RALGAPA1: variants seen among roughly 807,000 people sequenced by gnomAD.
The protein encoded by RALGAPA1 is ral GTPase-activating protein subunit alpha-1.
In RALGAPA1, 52 loss-of-function variants were observed where a neutral mutation model predicts 269.6. The observed-to-expected ratio is 0.19, with a 90% confidence interval of 0.15 to 0.24. The LOEUF is 0.24. Ranked by LOEUF, RALGAPA1 falls within the 10% of genes least tolerant of loss-of-function variation. The pLI, the probability that RALGAPA1 is intolerant of heterozygous loss-of-function variation, is 1.00. For synonymous variants in RALGAPA1, 817 were observed against 1,008.3 expected (o/e 0.81, Z 3.60); for missense variants, 1,917 against 3,013.9 (o/e 0.64, Z 8.52).
At chr14:35,599,093 C>A (rs1042820643) in intron 36 of RALGAPA1, among the ~76,000 whole-genome samples, 2 of 152,134 alleles carry the variant, frequency 1.3e-5, no homozygotes, top group Non-Finnish European at 1.5e-5. Context: ...AGTAACCCTA[C>A]CTTACTATAT....
Position 35,684,986 on chromosome 14 carries a change from A to G in RALGAPA1, c.4237T>C (p.Ser1413Pro). Residue 1413 changes from serine to proline, a missense_variant, in exon 20 of 42, where the codon TCA (serine) becomes CCA (proline). Around this residue, in one of 11 missense-constraint regions of RALGAPA1, gnomAD observed 615 missense variants for 790.0 expected, o/e 0.78. Transcript: ENST00000680220. ...CTGAAAGAATCCGAATGACTATCTG[A>G]GCTGATAAGATCACTGCTCCCTGCA... ...ASAGSSDLIS[S>P]DSHSDSFSAF... The G allele has an allele frequency of 6.2e-7, 1 of 1,613,684 alleles. No homozygotes were observed. Among genetic ancestry groups the G allele is most frequent in the Non-Finnish European group, 8.5e-7 (1 of 1,179,922 alleles).
intron 1 of RALGAPA1, among the ~76,000 whole-genome samples, chr14:35,790,866 T>A (rs1187609552): frequency 6.6e-6 from 1 of 152,164 alleles, no homozygotes; most frequent in Non-Finnish European, 1.5e-5. Flanking sequence ...GGGTAATCGC[T>A]TAAATGGAAT....
In RALGAPA1 at chr14:35,572,928, C is replaced by G. The variant is rs559373093; in HGVS notation, c.7210-210G>C. ...TCAATTGTCAATAATCAATGGGTAA[C>G]AGAGAACTTAGATTTAAAAAGATTC... On this transcript the variant is annotated intron_variant, in intron 37 of 41. Transcript: ENST00000680220. 43 of 326,120 alleles carry G rather than the reference C, an allele frequency of 1.3e-4. 2 individuals carry two copies. The South Asian group carries it at 4.6e-3, about 35-fold the overall frequency. The allele number at this position is 326,120 out of a possible 1,614,324, so 20.2% of individuals were successfully genotyped here. A position where few individuals can be genotyped will look rare whatever the true frequency, so the allele number is the denominator to read the frequency against.
intron 8 of RALGAPA1, among the ~76,000 whole-genome samples, chr14:35,751,613 A>G (rs1227342136): frequency 1.3e-5 from 2 of 151,772 alleles, no homozygotes; most frequent in African/African-American, 4.8e-5. Context: ...GGGAGATCCC[A>G]TCTCTAAAAA....
chr14:35,578,103 C>T (rs2057698254), intron 37 of RALGAPA1, among the ~76,000 whole-genome samples: 1 of 152,182 alleles, frequency 6.6e-6, no homozygotes, highest in Non-Finnish European at 1.5e-5. Flanking sequence ...TGACCAAATG[C>T]TAGCTTTTGC....
Position 35,732,881 on chromosome 14 carries a change from T to C in RALGAPA1, c.1588-4371A>G, listed in dbSNP as rs2070637194. Among the ~76,000 whole-genome samples the C allele has an allele frequency of 3.3e-5, 5 of 152,186 alleles. No individual in the cohort carries two copies. The South Asian group carries it at 1.0e-3, about 31-fold the overall frequency. On this transcript the variant is annotated intron_variant, in intron 12 of 41. Transcript: ENST00000680220. ...ACAAAGAAACAATGGATTTAAACCATACCTTGGAACAAATGGACTTAACAG... is the reference window on the plus strand; with the variant it reads ...ACAAAGAAACAATGGATTTAAACCACACCTTGGAACAAATGGACTTAACAG...
chr14:35,627,064 A>AG, intron 34 of RALGAPA1, 26 bp downstream of exon 34: 3 of 1,439,094 alleles, frequency 2.1e-6, no homozygotes, highest in South Asian at 1.8e-5. Context: ...AAAAAAAAAA[A>AG]GAAAAAATTT....
At chr14:35,592,468 C>A (rs2058694630) in intron 37 of RALGAPA1, among the ~76,000 whole-genome samples, 2 of 152,160 alleles carry the variant, frequency 1.3e-5, no homozygotes, top group African/African-American at 4.8e-5. Context: ...TTCCAAAAAA[C>A]AGAGTGAAGG....
intron 20 of RALGAPA1, 39 bp downstream of exon 20, chr14:35,684,890 C>A: frequency 6.4e-7 from 1 of 1,573,804 alleles, no homozygotes; most frequent in Non-Finnish European, 8.6e-7. Flanking sequence ...AGAAGACAAT[C>A]AACATAAAAC....
chr14:35,754,206 A>G (rs911024000), intron 7 of RALGAPA1, among the ~76,000 whole-genome samples: 2 of 152,196 alleles, frequency 1.3e-5, no homozygotes, highest in African/African-American at 4.8e-5. Flanking sequence ...ATTAGAAACA[A>G]TTCCAAAAGT....
intron 17 of RALGAPA1, among the ~76,000 whole-genome samples, chr14:35,693,548 C>T (rs562211788): frequency 1.6e-4 from 24 of 151,906 alleles, no homozygotes; most frequent in African/African-American, 5.3e-4. Flanking sequence ...AAGAGAAGAA[C>T]GATCACCCAT....
Position 35,716,049 on chromosome 14 carries a change from A to G in RALGAPA1, c.2266+5639T>C, listed in dbSNP as rs2068789830. 4 of 984,828 alleles carry G rather than the reference A, an allele frequency of 4.1e-6. No homozygotes were observed. In the South Asian group the frequency reaches 1.4e-4, roughly 35 times the overall value. The allele number at this position is 984,828 out of a possible 1,614,324, so 61.0% of individuals were successfully genotyped here. A position where few individuals can be genotyped will look rare whatever the true frequency, so the allele number is the denominator to read the frequency against. On this transcript the variant is annotated intron_variant, in intron 16 of 41. Coordinates refer to ENST00000680220, the MANE Select transcript of RALGAPA1 (RefSeq NM_001346249.2). ...TACGAGTCATGTAATGACTTTTTAA[A>G]AAGCCCCTTTCTTCCCAATTTTTTA...
chr14:35,586,910 T>C (rs1166263267), intron 37 of RALGAPA1, among the ~76,000 whole-genome samples: 1 of 152,118 alleles, frequency 6.6e-6, no homozygotes, highest in Non-Finnish European at 1.5e-5. Flanking sequence ...GGGATATTGG[T>C]CTAAAATTCT....
chr14:35,607,407 A>G (rs769957724), intron 35 of RALGAPA1, among the ~76,000 whole-genome samples: 1 of 152,200 alleles, frequency 6.6e-6, no homozygotes, highest in Non-Finnish European at 1.5e-5. Flanking sequence ...ATGTTACAGA[A>G]GATCTATTTT....
intron 16 of RALGAPA1, among the ~76,000 whole-genome samples, chr14:35,709,321 A>G (rs891303906): frequency 3.9e-5 from 6 of 152,178 alleles, no homozygotes; most frequent in African/African-American, 1.4e-4. Context: ...CTGTATCAAA[A>G]TATCTCATGT....
intron 4 of RALGAPA1, among the ~76,000 whole-genome samples, chr14:35,769,922 A>G (rs1372222117): frequency 1.3e-5 from 2 of 152,226 alleles, no homozygotes; most frequent in Non-Finnish European, 2.9e-5. Context: ...ACTGTTTCAG[A>G]AAACAAGAGG....
intron 34 of RALGAPA1, 31 bp downstream of exon 34, chr14:35,627,049 GAAAAAAAAAA>G: frequency 8.8e-7 from 1 of 1,130,108 alleles, no homozygotes; most frequent in Non-Finnish European, 1.2e-6. Flanking sequence ...GAATAAGACC[GAAAAAAAAAA>G]AAAAAGAAAA....
intron 37 of RALGAPA1, among the ~76,000 whole-genome samples, chr14:35,586,275 C>T (rs1333669642): frequency 5.3e-5 from 8 of 152,122 alleles, no homozygotes. Flanking sequence ...TATAGGAATG[C>T]TTGTGATTTT....
intron 1 of RALGAPA1, among the ~76,000 whole-genome samples, chr14:35,780,874 T>A (rs1336471078): frequency 1.3e-5 from 2 of 152,144 alleles, no homozygotes; most frequent in Non-Finnish European, 2.9e-5. Context: ...GGAGTCTCAA[T>A]TGAGCCCAGC....
Sources: gnomAD v4.1 joint callset for allele counts (sites outside exome capture counted in the v4.1 genomes callset) on GRCh38, gnomAD v4.1.1 for gene constraint, gnomAD v4.1.1 regional missense constraint, MANE v1.5 for transcripts, NCBI Gene and HGNC (gene_info 2026-07-23, HGNC 2026-07-21) for gene names.